The following LIMCH1 variants were observed in gnomAD, a reference collection of about 807,000 sequenced individuals.
LIMCH1 encodes LIM and calponin homology domains-containing protein 1.
Under a neutral mutation model 176.5 loss-of-function variants are expected in LIMCH1, and 113 were observed. That is an observed-to-expected ratio of 0.64 (90% CI 0.55 to 0.75). The LOEUF (loss-of-function observed/expected upper bound fraction) is 0.75, where lower values mean the gene tolerates loss of function less well. Among genes scored for constraint, LIMCH1 ranks in the 30% least tolerant of loss-of-function variants. The pLI is 0.00. For missense variants in LIMCH1, 1,674 were observed against 1,814.9 expected (o/e 0.92, Z 1.41); for synonymous variants, 619 against 645.9 (o/e 0.96, Z 0.63).
At chr4:41,459,363 T>C (rs1375292521) in intron 1 of LIMCH1, among the ~76,000 whole-genome samples, 2 of 152,084 alleles carry the variant, frequency 1.3e-5, no homozygotes. Context: ...TACAGCAGCT[T>C]CAACATGGCT....
intron 3 of LIMCH1, among the ~76,000 whole-genome samples, chr4:41,529,300 C>A (rs149102228): frequency 7.3e-4 from 111 of 152,238 alleles, no homozygotes; most frequent in Middle Eastern, 3.4e-3. Flanking sequence ...GGGGATTAAG[C>A]CTTTTCTTGC....
chr4:41,592,262 A>T (rs1313365202), intron 1 of LIMCH1, among the ~76,000 whole-genome samples: 1 of 152,154 alleles, frequency 6.6e-6, no homozygotes, highest in African/African-American at 2.4e-5. Context: ...TGTACTTTGG[A>T]TGAAATAAGC....
At chr4:41,563,763 T>A (rs1286498479) in intron 1 of LIMCH1, among the ~76,000 whole-genome samples, 1 of 152,214 alleles carries the variant, frequency 6.6e-6, no homozygotes, top group Non-Finnish European at 1.5e-5. Flanking sequence ...CGCCTTTTCC[T>A]CTTAGCCAGG....
At chr4:41,473,154 T>C in intron 1 of LIMCH1, 1 of 985,436 alleles carries the variant, frequency 1.0e-6, no homozygotes, top group Non-Finnish European at 1.2e-6. Flanking sequence ...TGAGTGTGAA[T>C]CTTTTAAGGA....
At chr4:41,444,313 TACACACACACACACACACACAC>T (rs71198657) in intron 1 of LIMCH1, among the ~76,000 whole-genome samples, 1 of 134,180 alleles carries the variant, frequency 7.5e-6, no homozygotes, top group African/African-American at 3.2e-5. Flanking sequence ...TGTATATATA[TACACACACACACACACACACAC>T]ACACACACAC....
chr4:41,466,921 C>T (rs1377071233), intron 1 of LIMCH1, among the ~76,000 whole-genome samples: 1 of 152,078 alleles, frequency 6.6e-6, no homozygotes. Context: ...TAAGCAGTAA[C>T]TCCTCATTCT....
At chr4:41,472,987 T>G (rs1002585443) in intron 1 of LIMCH1, 15 of 983,344 alleles carry the variant, frequency 1.5e-5, no homozygotes, top group Non-Finnish European at 2.4e-6. Flanking sequence ...AGCCTTTTTT[T>G]TTTTTTCTCC....
intron 3 of LIMCH1, chr4:41,604,256 T>G: frequency 5.1e-6 from 5 of 978,500 alleles, no homozygotes; most frequent in Non-Finnish European, 6.1e-6. Context: ...ATTAAGGAGT[T>G]TGGCAAATTG....
intron 1 of LIMCH1, among the ~76,000 whole-genome samples, chr4:41,592,516 G>A (rs1054733178): frequency 6.6e-6 from 1 of 151,966 alleles, no homozygotes; most frequent in Non-Finnish European, 1.5e-5. Context: ...TACCTACACA[G>A]TGTGCCTGTT....
In LIMCH1 at chr4:41,661,486, G is replaced by C; in HGVS notation, c.3103G>C (p.Gly1035Arg). 1.2e-6 allele frequency: 2 copies of C among 1,612,032 alleles called. No homozygotes were observed. Among genetic ancestry groups the C allele is most frequent in the Non-Finnish European group, 1.7e-6 (2 of 1,178,858 alleles). ...GAATGATGGTGGAAAATCAAGAAAAGGGAATATAGAACTTGCCTCATCAGG... is the reference window on the plus strand; with the variant it reads ...GAATGATGGTGGAAAATCAAGAAAACGGAATATAGAACTTGCCTCATCAGG... ...DKNDGGKSRK[G>R]NIELASSEPQ... is the part of the protein sequence containing the mutation. Residue 1035 changes from glycine (G) to arginine (R), a missense_variant, in exon 19 of 32, where the codon GGG becomes CGG. Physicochemically the swap from Gly to Arg is moderately radical, Grantham distance 125. Transcript: ENST00000503057.
Position 41,375,723 on chromosome 4 carries a change from C to T in LIMCH1, c.96+14787C>T, listed in dbSNP as rs35006633. Among the ~76,000 whole-genome samples, 1,233 of 152,322 alleles carry T rather than the reference C, an allele frequency of 8.1e-3. 18 individuals are homozygous for T. Among genetic ancestry groups the T allele is most frequent in the African/African-American group, 0.024 (984 of 41,568 alleles). On this transcript the variant is annotated intron_variant, in intron 1 of 26. Coordinates refer to the LIMCH1 transcript ENST00000313860. ...GGGGCTTTTCTAAAAGTGGATACAG[C>T]GGCTGTCGCCCACTGATCCTCTGTG...
At chr4:41,497,339 A>T (rs2072364250) in intron 2 of LIMCH1, among the ~76,000 whole-genome samples, 1 of 151,512 alleles carries the variant, frequency 6.6e-6, no homozygotes, top group Non-Finnish European at 1.5e-5. Context: ...AAGCTTCATC[A>T]TTTTCATCAA....
chr4:41,571,773 C>T (rs4434290), intron 1 of LIMCH1, among the ~76,000 whole-genome samples: 38,143 of 151,894 alleles, frequency 0.25, 6,013 homozygotes, highest in African/African-American at 0.44. Flanking sequence ...CAAAGTGGGT[C>T]TCCAGAGTGG....
intron 1 of LIMCH1, among the ~76,000 whole-genome samples, chr4:41,494,362 TACAC>T (rs1441873667): frequency 1.3e-5 from 2 of 150,098 alleles, no homozygotes; most frequent in Non-Finnish European, 3.0e-5. Flanking sequence ...TACGTACACA[TACAC>T]ATACATATAT....
At chr4:41,632,897 G>A (rs903161464) in intron 11 of LIMCH1, 30 bp downstream of exon 11, 2 of 1,527,702 alleles carry the variant, frequency 1.3e-6, no homozygotes, top group African/African-American at 2.7e-5. Context: ...GCCTTCCCGG[G>A]AGGTGAAGGA....
At chr4:41,382,092 C>T (rs558364728) in intron 1 of LIMCH1, among the ~76,000 whole-genome samples, 320 of 152,282 alleles carry the variant, frequency 2.1e-3, no homozygotes, top group African/African-American at 7.3e-3. Context: ...AGTTTCTGAC[C>T]GCAGATACAT....
Position 41,619,928 on chromosome 4 carries a change from T to G in LIMCH1, c.458+488T>G, listed in dbSNP as rs2092433812. The stretch of plus-strand genomic sequence containing the variant: ...CATAATAAATGGATTTCTCATCTCT[T>G]TAGAGAAACAGTGTTTTAATCTCTG... On this transcript the variant is annotated intron_variant, in intron 6 of 31. Transcript: ENST00000503057. The G allele has an allele frequency of 2.2e-5, 4 of 185,666 alleles. 1 individual carries two copies. The South Asian group carries it at 4.8e-4, about 22-fold the overall frequency. 11.5% of individuals were successfully genotyped at this position (185,666 alleles called of 1,614,324 possible).
chr4:41,548,864 G>A (rs1372241012), intron 1 of LIMCH1, among the ~76,000 whole-genome samples: 1 of 152,134 alleles, frequency 6.6e-6, no homozygotes, highest in Non-Finnish European at 1.5e-5. Context: ...ACATTGGACT[G>A]GAGGTGTAAA....
intron 1 of LIMCH1, among the ~76,000 whole-genome samples, chr4:41,397,308 G>A (rs946521828): frequency 2.6e-5 from 4 of 152,184 alleles, no homozygotes; most frequent in African/African-American, 9.7e-5. Flanking sequence ...CTAATTCTGG[G>A]TCCTTCTCAC....
Sources: allele counts gnomAD v4.1 joint callset (sites outside exome capture counted in the v4.1 genomes callset), GRCh38; gene constraint gnomAD v4.1.1; transcripts MANE v1.5; gene names NCBI Gene and HGNC (gene_info 2026-07-23, HGNC 2026-07-21).